PRKCE: variants seen among roughly 807,000 people sequenced by gnomAD.
The protein encoded by PRKCE is protein kinase C epsilon type.
In PRKCE, 16 loss-of-function variants were observed where a neutral mutation model predicts 85.4. That is an observed-to-expected ratio of 0.19 (90% CI 0.13 to 0.28). PRKCE has a LOEUF of 0.28. Among genes scored for constraint, PRKCE ranks in the 10% least tolerant of loss-of-function variants. The pLI is 1.00. For missense variants in PRKCE, 573 were observed against 975.2 expected, an observed-to-expected ratio of 0.59 and a Z score of 5.49; for synonymous variants, 388 against 371.5, an observed-to-expected ratio of 1.04 and a Z score of -0.51.
chr2:45,748,793 AAT>A (rs1304492666), intron 1 of PRKCE, among the ~76,000 whole-genome samples: 1 of 152,200 alleles, frequency 6.6e-6, no homozygotes, highest in African/African-American at 2.4e-5. Flanking sequence ...CTAGGTGGCG[AAT>A]GCACCTGAGA....
intron 1 of PRKCE, among the ~76,000 whole-genome samples, chr2:45,671,456 A>G (rs1472431434): frequency 2.0e-5 from 3 of 152,238 alleles, no homozygotes; most frequent in Admixed American, 6.5e-5. Context: ...TATCAGTACC[A>G]TTACACATTT....
At chr2:45,816,906 G>A (rs1343388724) in intron 1 of PRKCE, among the ~76,000 whole-genome samples, 3 of 152,110 alleles carry the variant, frequency 2.0e-5, no homozygotes, top group Non-Finnish European at 4.4e-5. Flanking sequence ...CCTGCTCGGG[G>A]GTTTTGTGAG....
chr2:45,997,154 T>C (rs1406567965), intron 6 of PRKCE, among the ~76,000 whole-genome samples: 1 of 152,176 alleles, frequency 6.6e-6, no homozygotes, highest in Non-Finnish European at 1.5e-5. Flanking sequence ...GGATCCATAA[T>C]GATGTCCTCT....
chr2:45,690,844 C>T (rs1677671233), intron 1 of PRKCE, among the ~76,000 whole-genome samples: 1 of 152,172 alleles, frequency 6.6e-6, no homozygotes, highest in African/African-American at 2.4e-5. Flanking sequence ...CCAGGTGCTC[C>T]CAGAGTTCCC....
rs1199010236 is a variant in PRKCE at position 46,187,497 on chromosome 2, TG to T, written c.*2617del. On this transcript the variant is annotated 3_prime_UTR_variant, in exon 15 of 15. Coordinates refer to ENST00000306156, the MANE Select transcript of PRKCE (RefSeq NM_005400.3). The stretch of plus-strand genomic sequence containing the variant: ...TACGAGAGTTTGAAAATAGACACAC[TG>T]TTAACACTTCTGCCAGTTTTTTCTG... 1 of 152,562 alleles carries T rather than the reference TG, an allele frequency of 6.6e-6. No homozygotes were observed. The highest frequency in any genetic ancestry group is 2.4e-5 in the African/African-American group (1 of 41,440). The allele number at this position is 152,562 out of a possible 1,614,324, so 9.5% of individuals were successfully genotyped here.
intron 11 of PRKCE, among the ~76,000 whole-genome samples, chr2:46,144,615 T>C (rs6544873): frequency 0.91 from 138,267 of 152,228 alleles, 62,958 homozygotes; most frequent in East Asian, 1. Context: ...CCCGCTCTGA[T>C]GCACATTAGC....
chr2:46,017,470 C>G (rs1053569561), intron 10 of PRKCE, among the ~76,000 whole-genome samples: 1 of 152,334 alleles, frequency 6.6e-6, no homozygotes, highest in Admixed American at 6.5e-5. Context: ...GACATTTTGA[C>G]TTCCACGTTT....
chr2:45,829,771 A>C (rs574462691), intron 1 of PRKCE, among the ~76,000 whole-genome samples: 43 of 152,294 alleles, frequency 2.8e-4, no homozygotes, highest in Non-Finnish European at 6.2e-4. Context: ...CCTAACTTTC[A>C]CATAAAAAAT....
chr2:45,914,749 CT>C (rs1421293023), intron 2 of PRKCE, among the ~76,000 whole-genome samples: 3 of 152,062 alleles, frequency 2.0e-5, no homozygotes, highest in Non-Finnish European at 4.4e-5. Context: ...TCAAGTGTTG[CT>C]TTTATTGGTT....
At chr2:45,773,984 A>T (rs1278588107) in intron 1 of PRKCE, among the ~76,000 whole-genome samples, 2 of 152,160 alleles carry the variant, frequency 1.3e-5, no homozygotes, top group African/African-American at 4.8e-5. Context: ...CGCTGCTGTC[A>T]TCCCGTGGCT....
Position 45,817,066 on chromosome 2 carries a change from A to AGTGTGTGTGTGTGT in PRKCE, c.349-25903_349-25890dup, listed in dbSNP as rs200785601. Among the ~76,000 whole-genome samples, 182 of 135,880 alleles carry AGTGTGTGTGTGTGT rather than the reference A, an allele frequency of 1.3e-3. 1 individual carries two copies. Among genetic ancestry groups the AGTGTGTGTGTGTGT allele is most frequent in the Middle Eastern group, 3.7e-3 (1 of 268 alleles). The allele number at this position is 135,880 out of a possible 152,430, so 89.1% of individuals were successfully genotyped here. A position where few individuals can be genotyped will look rare whatever the true frequency, so the allele number is the denominator to read the frequency against. Reference sequence around the variant, plus strand: ...GACTCAAATTATATACTGTAAGTAGAGTGTGTGTGTGTGTGTGTGTGTGTG... The same window carrying AGTGTGTGTGTGTGT: ...GACTCAAATTATATACTGTAAGTAGAGTGTGTGTGTGTGTGTGTGTGTGTGTGTGTGTGTGTGTG... On this transcript the variant is annotated intron_variant, in intron 1 of 14. Coordinates refer to ENST00000306156, the MANE Select transcript of PRKCE (RefSeq NM_005400.3).
intron 11 of PRKCE, among the ~76,000 whole-genome samples, chr2:46,091,243 A>C (rs1574447562): frequency 6.6e-6 from 1 of 152,072 alleles, no homozygotes; most frequent in South Asian, 2.1e-4. Flanking sequence ...GCATTTAACC[A>C]CCTGCCCTCC....
intron 2 of PRKCE, among the ~76,000 whole-genome samples, chr2:45,934,594 A>G (rs1352388711): frequency 6.6e-6 from 1 of 151,480 alleles, no homozygotes; most frequent in East Asian, 1.9e-4. Flanking sequence ...GGCTGCAGTG[A>G]GCCGAGATCA....
chr2:45,794,126 GTTGAC>G (rs1687234046), intron 1 of PRKCE, among the ~76,000 whole-genome samples: 1 of 152,164 alleles, frequency 6.6e-6, no homozygotes, highest in East Asian at 1.9e-4. Flanking sequence ...AAATGGAATT[GTTGAC>G]CAGTCAATGC....
chr2:46,093,967 T>TG (rs373347331), intron 11 of PRKCE, among the ~76,000 whole-genome samples: 4 of 151,882 alleles, frequency 2.6e-5, no homozygotes, highest in South Asian at 4.2e-4. Flanking sequence ...GCATTTTTTT[T>TG]GTTTATTTTC....
At chr2:46,073,126 A>G (rs1668220645) in intron 10 of PRKCE, among the ~76,000 whole-genome samples, 1 of 152,230 alleles carries the variant, frequency 6.6e-6, no homozygotes, top group African/African-American at 2.4e-5. Context: ...CCAGCCTCTC[A>G]GTGAACAAAG....
At chr2:45,885,452 A>T (rs1308122135) in intron 2 of PRKCE, among the ~76,000 whole-genome samples, 1 of 152,184 alleles carries the variant, frequency 6.6e-6, no homozygotes, top group African/African-American at 2.4e-5. Flanking sequence ...CCTTGGAGGA[A>T]GCTGCTGCTA....
chr2:46,108,156 G>A (rs1420967722), intron 11 of PRKCE, among the ~76,000 whole-genome samples: 2 of 152,006 alleles, frequency 1.3e-5, no homozygotes, highest in Non-Finnish European at 2.9e-5. Flanking sequence ...TCTAACTCTT[G>A]GCCTCAAGCA....
chr2:46,142,921 A>G (rs980836666), intron 11 of PRKCE, among the ~76,000 whole-genome samples: 2 of 152,216 alleles, frequency 1.3e-5, no homozygotes, highest in Admixed American at 1.3e-4. Flanking sequence ...AAGGCTTTAA[A>G]AAGAGTGCTT....
Sources: gnomAD v4.1 joint callset for allele counts (sites outside exome capture counted in the v4.1 genomes callset) on GRCh38, gnomAD v4.1.1 for gene constraint, MANE v1.5 for transcripts, NCBI Gene and HGNC (gene_info 2026-07-23, HGNC 2026-07-21) for gene names.